The following ANKHD1 variants were observed in gnomAD, a reference collection of about 807,000 sequenced individuals.
The protein encoded by ANKHD1 is ankyrin repeat and KH domain containing 1.
ANKHD1 carries 31 observed loss-of-function variants against 230.5 expected under a neutral mutation model. The ratio of observed to expected loss-of-function variants is 0.13; its 90% CI spans 0.10 to 0.18. ANKHD1 has a LOEUF of 0.18. Ranked by LOEUF, ANKHD1 falls within the 10% of genes least tolerant of loss-of-function variation. The pLI, the probability that ANKHD1 is intolerant of heterozygous loss-of-function variation, is 1.00. For missense variants in ANKHD1, 2,256 were observed against 3,071.3 expected (o/e 0.73, Z 6.27); for synonymous variants, 1,074 against 1,117.6 (o/e 0.96, Z 0.78).
At chr5:140,408,078 G>A (rs1167469472) in intron 1 of ANKHD1, among the ~76,000 whole-genome samples, 4 of 152,170 alleles carry the variant, frequency 2.6e-5, no homozygotes, top group Non-Finnish European at 5.9e-5. Flanking sequence ...TTGGGAGGCT[G>A]AGGCAGGAGA....
At chr5:140,520,240 C>T (rs916454002) in intron 24 of ANKHD1, among the ~76,000 whole-genome samples, 34 of 152,282 alleles carry the variant, frequency 2.2e-4, no homozygotes, top group African/African-American at 8.2e-4. Flanking sequence ...TACCATCTCA[C>T]ACCAGTTAGA....
chr5:140,497,509 T>C (rs1202160567), intron 15 of ANKHD1, among the ~76,000 whole-genome samples: 2 of 152,210 alleles, frequency 1.3e-5, no homozygotes, highest in African/African-American at 4.8e-5. Context: ...AGAAATAAAG[T>C]TGCCACAATC....
chr5:140,424,681 G>A (rs181833769), intron 1 of ANKHD1, among the ~76,000 whole-genome samples: 51 of 152,288 alleles, frequency 3.3e-4, no homozygotes, highest in Admixed American at 1.2e-3. Flanking sequence ...TCTGGTATTA[G>A]AGTTAGTGGG....
chr5:140,430,534 G>A (rs1772950222), intron 1 of ANKHD1, among the ~76,000 whole-genome samples: 1 of 151,632 alleles, frequency 6.6e-6, no homozygotes. Flanking sequence ...GGGCTTATCT[G>A]TTATATATAG....
intron 1 of ANKHD1, among the ~76,000 whole-genome samples, chr5:140,433,205 T>TA (rs1773191201): frequency 6.6e-6 from 1 of 152,146 alleles, no homozygotes; most frequent in African/African-American, 2.4e-5. Context: ...AATAGCTGAT[T>TA]ACAATCATGT....
At chr5:140,425,442 A>G (rs1219711755) in intron 1 of ANKHD1, among the ~76,000 whole-genome samples, 1 of 151,976 alleles carries the variant, frequency 6.6e-6, no homozygotes, top group African/African-American at 2.4e-5. Flanking sequence ...TGTTTTTTGT[A>G]GAGACAGGGT....
intron 7 of ANKHD1, among the ~76,000 whole-genome samples, chr5:140,458,003 TA>T (rs1024024279): frequency 5.3e-4 from 80 of 152,206 alleles, no homozygotes; most frequent in African/African-American, 1.9e-3. Flanking sequence ...AAAAATTTTT[TA>T]CAATGAATGT....
rs146507756 is a variant in ANKHD1 at position 140,406,292 on chromosome 5, A to G, written c.306+4019A>G. Among the ~76,000 whole-genome samples the G allele has an allele frequency of 2.0e-5, 3 of 152,154 alleles. No homozygotes were observed. In the East Asian group the frequency reaches 5.8e-4, roughly 29 times the overall value. On this transcript the variant is annotated intron_variant, in intron 1 of 33. Coordinates refer to ENST00000360839, the MANE Select transcript of ANKHD1 (RefSeq NM_017747.3). ...AACAAGTACCTAGACATCCAAAAAGATGATGAATTGGTGTGTAGTTTGGGA... is the reference window on the plus strand; with the variant it reads ...AACAAGTACCTAGACATCCAAAAAGGTGATGAATTGGTGTGTAGTTTGGGA...
chr5:140,531,372 G>A (rs922333766), intron 29 of ANKHD1: 9 of 366,378 alleles, frequency 2.5e-5, no homozygotes, highest in Non-Finnish European at 4.9e-5. Context: ...CATGAGGTCA[G>A]GAGTTTGAGA....
intron 10 of ANKHD1, among the ~76,000 whole-genome samples, chr5:140,468,945 T>G (rs1776297293): frequency 1.3e-5 from 2 of 152,178 alleles, no homozygotes; most frequent in South Asian, 4.1e-4. Context: ...TGACTAAAAT[T>G]TTATTGTTTC....
intron 1 of ANKHD1, among the ~76,000 whole-genome samples, chr5:140,419,790 CTTTCTTTCTTTCTT>C (rs1479192939): frequency 3.0e-5 from 4 of 132,380 alleles, no homozygotes; most frequent in African/African-American, 6.5e-5. Flanking sequence ...TTCTTTCTTT[CTTTCTTTCTTTCTT>C]TCTTTCTTTC....
At chr5:140,403,847 A>C (rs1379989363) in intron 1 of ANKHD1, among the ~76,000 whole-genome samples, 1 of 152,194 alleles carries the variant, frequency 6.6e-6, no homozygotes, top group Non-Finnish European at 1.5e-5. Flanking sequence ...GTGTACTAAC[A>C]ATCCCGGCTC....
At chr5:140,436,995 G>A (rs1417225105) in intron 2 of ANKHD1, among the ~76,000 whole-genome samples, 1 of 152,126 alleles carries the variant, frequency 6.6e-6, no homozygotes, top group Non-Finnish European at 1.5e-5. Context: ...AATATATTAA[G>A]TAGATAACAA....
At chr5:140,431,995 AC>A in intron 1 of ANKHD1, among the ~76,000 whole-genome samples, 1 of 152,104 alleles carries the variant, frequency 6.6e-6, no homozygotes, top group Non-Finnish European at 1.5e-5. Flanking sequence ...ACAGTCTGTC[AC>A]CTTTTATATG....
intron 10 of ANKHD1, among the ~76,000 whole-genome samples, chr5:140,468,162 C>T (rs1050411074): frequency 7.6e-6 from 1 of 131,660 alleles, no homozygotes; most frequent in Non-Finnish European, 1.5e-5. Flanking sequence ...GCAACCTTCT[C>T]CTCCTGGGTT....
Position 140,528,293 on chromosome 5 carries a change from G to T in ANKHD1, c.5347G>T (p.Ala1783Ser), listed in dbSNP as rs200837189. ...TCCTAAAAATCATATCAGAACACCT[G>T]CCAGCACCAAATCAATTCATGCTAA... ...LIPKNHIRTP[A>S]STKSIHANFS... The change falls in exon 29 of 34, where the codon GCC becomes TCC. Residue 1783 changes from alanine (A) to serine (S), a missense_variant. Physicochemically the swap from Ala to Ser is moderately conservative, Grantham distance 99. Around this residue, in one of 13 missense-constraint regions of ANKHD1, gnomAD observed 778 missense variants for 966.5 expected, o/e 0.80. Coordinates refer to ENST00000360839, the MANE Select transcript of ANKHD1 (RefSeq NM_017747.3). 18 of 1,613,672 alleles carry T rather than the reference G, an allele frequency of 1.1e-5. No individual in the cohort carries two copies. Among genetic ancestry groups the T allele is most frequent in the Non-Finnish European group, 1.5e-5 (18 of 1,179,980 alleles).
chr5:140,511,529 T>C (rs1222773666), intron 22 of ANKHD1, among the ~76,000 whole-genome samples: 1 of 152,202 alleles, frequency 6.6e-6, no homozygotes, highest in African/African-American at 2.4e-5. Flanking sequence ...TATAGTTGAG[T>C]TTTGATTTTC....
intron 29 of ANKHD1, among the ~76,000 whole-genome samples, chr5:140,534,162 G>T (rs1457445912): frequency 3.3e-5 from 5 of 152,168 alleles, no homozygotes; most frequent in Non-Finnish European, 7.3e-5. Context: ...GGAGGCCGAG[G>T]CGGGTGGATC....
At chr5:140,470,611 C>CTTTTTTTTTTTTTTTTTTTTTTTTTTTG (rs386405120) in intron 10 of ANKHD1, among the ~76,000 whole-genome samples, 1 of 71,770 alleles carries the variant, frequency 1.4e-5, no homozygotes, top group African/African-American at 5.2e-5. Flanking sequence ...CTTGTTTCTG[C>CTTTTTTTTTTTTTTTTTTTTTTTTTTTG]TTTTTTTTTT....
Sources: allele counts gnomAD v4.1 joint callset (sites outside exome capture counted in the v4.1 genomes callset), GRCh38; gene constraint gnomAD v4.1.1; regional missense constraint gnomAD v4.1.1; transcripts MANE v1.5; gene names NCBI Gene and HGNC (gene_info 2026-07-23, HGNC 2026-07-21).